TTC28: variants seen among roughly 807,000 people sequenced by gnomAD.
TTC28 encodes the protein tetratricopeptide repeat protein 28.
TTC28 carries 61 observed loss-of-function variants against 198.0 expected under a neutral mutation model. That is an observed-to-expected ratio of 0.31 (90% CI 0.25 to 0.38). TTC28 has a LOEUF of 0.38. Among genes scored for constraint, TTC28 ranks in the 10% least tolerant of loss-of-function variants. The probability of loss-of-function intolerance (pLI) is 1.00; values close to 1 mark genes in which losing one functional copy is unlikely to be tolerated. For missense variants in TTC28, 2,678 were observed against 3,164.0 expected, an observed-to-expected ratio of 0.85 and a Z score of 3.69; for synonymous variants, 1,171 against 1,297.8, an observed-to-expected ratio of 0.90 and a Z score of 2.10.
intron 6 of TTC28, among the ~76,000 whole-genome samples, chr22:28,136,605 C>T (rs1467641087): frequency 6.6e-6 from 1 of 152,186 alleles, no homozygotes; most frequent in Non-Finnish European, 1.5e-5. Context: ...CAAATAAGCT[C>T]TAGATGTCCA....
intron 5 of TTC28, chr22:28,232,780 T>C (rs958712438): frequency 6.6e-6 from 1 of 152,078 alleles, no homozygotes; most frequent in East Asian, 1.9e-4. Flanking sequence ...TTTGATGACA[T>C]CACATTGTCT....
At position 28,542,830 on chromosome 22, in the gene TTC28, A is replaced by C. The variant is rs574330442; in HGVS notation, c.381+86722T>G. On this transcript the variant is annotated intron_variant, in intron 2 of 22. Coordinates refer to ENST00000397906, the MANE Select transcript of TTC28 (RefSeq NM_001145418.2). ...AGCTTCAGATGCTTATAGGAAAAAA[A>C]GTCAAGTCCAAAATCAATGATAGAA... 6.6e-5 allele frequency among the ~76,000 whole-genome samples: 10 copies of C among 152,288 alleles called. No individual in the cohort carries two copies. The South Asian group carries it at 1.4e-3, about 22-fold the overall frequency.
intron 2 of TTC28, among the ~76,000 whole-genome samples, chr22:28,487,579 G>A (rs374375874): frequency 4.6e-5 from 7 of 152,010 alleles, no homozygotes; most frequent in East Asian, 3.8e-4. Context: ...AATCCCTAAC[G>A]CTAAACTGTT....
intron 6 of TTC28, among the ~76,000 whole-genome samples, chr22:28,147,718 TA>T (rs2147005443): frequency 6.6e-6 from 1 of 152,316 alleles, no homozygotes; most frequent in African/African-American, 2.4e-5. Flanking sequence ...ATTATTAAAT[TA>T]AACAATGAAT....
At chr22:28,440,437 C>T (rs1486585595) in intron 2 of TTC28, among the ~76,000 whole-genome samples, 4 of 151,954 alleles carry the variant, frequency 2.6e-5, no homozygotes, top group Admixed American at 1.3e-4. Flanking sequence ...AGAGAGCTCC[C>T]GTTCAATCAT....
intron 21 of TTC28, among the ~76,000 whole-genome samples, chr22:27,988,832 C>G (rs908957972): frequency 6.6e-6 from 1 of 152,202 alleles, no homozygotes; most frequent in Non-Finnish European, 1.5e-5. Context: ...TGGGCCTGTC[C>G]TGGCCCTGCT....
At chr22:28,109,814 T>C (rs1942435103) in intron 6 of TTC28, among the ~76,000 whole-genome samples, 1 of 152,192 alleles carries the variant, frequency 6.6e-6, no homozygotes, top group South Asian at 2.1e-4. Flanking sequence ...CATGCATCAG[T>C]CTGTGAGCTT....
At chr22:28,219,383 C>G (rs531862957) in intron 5 of TTC28, among the ~76,000 whole-genome samples, 1 of 152,052 alleles carries the variant, frequency 6.6e-6, no homozygotes, top group African/African-American at 2.4e-5. Context: ...GTGGCAGGCA[C>G]CCGTAATCCC....
chr22:28,054,343 A>G (rs9625391), intron 12 of TTC28, among the ~76,000 whole-genome samples: 10,538 of 152,282 alleles, frequency 0.069, 425 homozygotes, highest in South Asian at 0.091. Context: ...GGTCCCTCCC[A>G]GGGTTTGGGT....
chr22:28,091,706 T>A (rs1941819968), intron 12 of TTC28, among the ~76,000 whole-genome samples: 1 of 152,172 alleles, frequency 6.6e-6, no homozygotes, highest in Non-Finnish European at 1.5e-5. Flanking sequence ...CACAAGTATT[T>A]GAGTGCTCAC....
At chr22:28,039,683 G>C (rs910458389) in intron 12 of TTC28, among the ~76,000 whole-genome samples, 14 of 152,114 alleles carry the variant, frequency 9.2e-5, no homozygotes, top group South Asian at 6.2e-4. Flanking sequence ...AAGAACTAGA[G>C]AAGGAAGAGC....
intron 5 of TTC28, among the ~76,000 whole-genome samples, chr22:28,193,089 T>A (rs1341568935): frequency 6.6e-6 from 1 of 152,212 alleles, no homozygotes; most frequent in African/African-American, 2.4e-5. Flanking sequence ...ACAGCTGATC[T>A]CAGGACAGAA....
chr22:28,210,047 A>G (rs1044928445), intron 5 of TTC28, among the ~76,000 whole-genome samples: 1 of 152,180 alleles, frequency 6.6e-6, no homozygotes, highest in African/African-American at 2.4e-5. Context: ...AACCTCCAGC[A>G]AACTCCAACA....
intron 5 of TTC28, among the ~76,000 whole-genome samples, chr22:28,207,474 G>A (rs1255910016): frequency 2.0e-5 from 3 of 151,974 alleles, no homozygotes; most frequent in African/African-American, 7.2e-5. Context: ...TAATATGAAT[G>A]ACCTCAGACA....
intron 2 of TTC28, among the ~76,000 whole-genome samples, chr22:28,516,949 A>G (rs2048801567): frequency 6.6e-6 from 1 of 152,176 alleles, no homozygotes; most frequent in Non-Finnish European, 1.5e-5. Flanking sequence ...AATGATACTC[A>G]CTACAACTTA....
chr22:28,099,314 G>GC (rs1484489711), intron 9 of TTC28, among the ~76,000 whole-genome samples: 3 of 152,164 alleles, frequency 2.0e-5, no homozygotes, highest in African/African-American at 7.2e-5. Flanking sequence ...CATGTGAGGC[G>GC]CATTAGGTGA....
intron 12 of TTC28, among the ~76,000 whole-genome samples, chr22:28,080,424 C>T (rs769385820): frequency 1.6e-4 from 25 of 152,266 alleles, no homozygotes; most frequent in Non-Finnish European, 2.9e-4. Flanking sequence ...ATTTGCATTT[C>T]GCTGATGATT....
At chr22:28,538,248 C>A (rs2145923455) in intron 2 of TTC28, among the ~76,000 whole-genome samples, 1 of 152,112 alleles carries the variant, frequency 6.6e-6, no homozygotes, top group Middle Eastern at 3.4e-3. Flanking sequence ...CCAAGCCTGG[C>A]TAATTTTTTT....
At chr22:28,537,915 G>A (rs1409410838) in intron 2 of TTC28, among the ~76,000 whole-genome samples, 2 of 151,930 alleles carry the variant, frequency 1.3e-5, no homozygotes, top group East Asian at 3.9e-4. Flanking sequence ...AGGATCCCTT[G>A]AGCTCAGGAG....
Sources: allele counts gnomAD v4.1 joint callset (sites outside exome capture counted in the v4.1 genomes callset), GRCh38; gene constraint gnomAD v4.1.1; transcripts MANE v1.5; gene names NCBI Gene and HGNC (gene_info 2026-07-23, HGNC 2026-07-21).